Variants in PLCE1 observed in about 807,000 individuals in gnomAD.
The protein encoded by PLCE1 is 1-phosphatidylinositol 4,5-bisphosphate phosphodiesterase epsilon-1.
A neutral mutation model predicts 242.8 loss-of-function variants in PLCE1; 119 were observed. That is an observed-to-expected ratio of 0.49 (90% CI 0.42 to 0.57). The LOEUF (loss-of-function observed/expected upper bound fraction) is 0.57. Among genes scored for constraint, PLCE1 ranks in the 20% least tolerant of loss-of-function variants. The pLI, the probability that PLCE1 is intolerant of heterozygous loss-of-function variation, is 0.00. For synonymous variants in PLCE1, 945 were observed against 1,017.4 expected (o/e 0.93, Z 1.35); for missense variants, 2,441 against 2,788.8 (o/e 0.88, Z 2.81).
At chr10:94,150,554 A>G (rs1240020744) in intron 3 of PLCE1, among the ~76,000 whole-genome samples, 1 of 152,222 alleles carries the variant, frequency 6.6e-6, no homozygotes, top group African/African-American at 2.4e-5. Flanking sequence ...TGAGGAGTTT[A>G]GGGAAATTCA....
At chr10:94,309,322 T>C (rs1004578942) in intron 27 of PLCE1, among the ~76,000 whole-genome samples, 1 of 151,974 alleles carries the variant, frequency 6.6e-6, no homozygotes, top group Non-Finnish European at 1.5e-5. Flanking sequence ...ATCTGCTTTT[T>C]TTTTTTTCCA....
intron 1 of PLCE1, among the ~76,000 whole-genome samples, chr10:93,995,809 G>GCA (rs1490632959): frequency 1.3e-5 from 2 of 152,194 alleles, no homozygotes; most frequent in Non-Finnish European, 2.9e-5. Context: ...CCTGGGATGT[G>GCA]GTCCAAGTTT....
At chr10:94,052,375 G>A (rs187359593) in intron 2 of PLCE1, among the ~76,000 whole-genome samples, 1 of 152,284 alleles carries the variant, frequency 6.6e-6, no homozygotes, top group Admixed American at 6.5e-5. Context: ...CCTTCTTAGA[G>A]TGAGGGACAT....
intron 2 of PLCE1, chr10:94,089,008 C>A: frequency 7.0e-7 from 1 of 1,421,242 alleles, no homozygotes; most frequent in Non-Finnish European, 9.6e-7. Context: ...TTCATTTCAG[C>A]TAATGTAAAC....
chr10:94,221,740 A>AAG (rs1564801638), intron 4 of PLCE1, among the ~76,000 whole-genome samples: 8 of 152,000 alleles, frequency 5.3e-5, no homozygotes, highest in African/African-American at 1.9e-4. Context: ...GTCTAAAAAA[A>AAG]AAGAAGAAGA....
At chr10:94,296,833 C>T (rs1032316927) in intron 23 of PLCE1, among the ~76,000 whole-genome samples, 1 of 151,994 alleles carries the variant, frequency 6.6e-6, no homozygotes, top group Non-Finnish European at 1.5e-5. Context: ...CTTTGACATG[C>T]CTTCCTCACT....
At chr10:94,274,746 T>C (rs1339645003) in intron 19 of PLCE1, among the ~76,000 whole-genome samples, 1 of 152,162 alleles carries the variant, frequency 6.6e-6, no homozygotes, top group Non-Finnish European at 1.5e-5. Flanking sequence ...GGCCACCAGT[T>C]GGAGACCTCC....
Position 94,246,569 on chromosome 10 carries a change from T to C in PLCE1, c.3044T>C (p.Phe1015Ser), listed in dbSNP as rs1395362832. The C allele has an allele frequency of 6.2e-7, 1 of 1,614,178 alleles. No homozygotes were observed. Among genetic ancestry groups the C allele is most frequent in the Admixed American group, 1.7e-5 (1 of 60,030 alleles). Residue 1015 changes from phenylalanine (F) to serine (S), a missense_variant, in exon 8 of 33, where the codon TTC becomes TCC. By Grantham distance (155) the Phe-to-Ser change is radical. Coordinates refer to ENST00000371380, the MANE Select transcript of PLCE1 (RefSeq NM_016341.4). Reference protein sequence around the residue: ...LTRAVRKMRKFPDQRQQWLRK... With the variant: ...LTRAVRKMRKSPDQRQQWLRK... ...AGAGCTGTGAGAAAGATGAGGAAAT[T>C]CCCTGACCAAAGACAGCAGTGGCTG...
At chr10:94,198,747 A>T (rs1281649447) in intron 4 of PLCE1, among the ~76,000 whole-genome samples, 1 of 152,234 alleles carries the variant, frequency 6.6e-6, no homozygotes, top group Non-Finnish European at 1.5e-5. Context: ...ATTTAGAATG[A>T]TGGATTAGAA....
At chr10:94,007,861 T>C (rs112222800) in intron 1 of PLCE1, among the ~76,000 whole-genome samples, 3,051 of 151,836 alleles carry the variant, frequency 0.02, 104 homozygotes, top group African/African-American at 0.066. Context: ...GTTCATACTA[T>C]GTTTTGTTCG....
chr10:94,163,231 G>C (rs192224312), intron 3 of PLCE1, among the ~76,000 whole-genome samples: 1 of 152,226 alleles, frequency 6.6e-6, no homozygotes, highest in Admixed American at 6.5e-5. Context: ...CTGTCTCATC[G>C]ATCTGTCTAA....
rs1446261732 is a variant in PLCE1 at position 94,328,896 on chromosome 10, AT to A, written c.*956del. 1 of 152,190 alleles carries A rather than the reference AT, an allele frequency of 6.6e-6. No individual in the cohort carries two copies. The highest frequency in any genetic ancestry group is 2.4e-5 in the African/African-American group (1 of 41,442). The allele number at this position is 152,190 out of a possible 1,614,324, so 9.4% of individuals were successfully genotyped here. On this transcript the variant is annotated 3_prime_UTR_variant, in exon 33 of 33. Coordinates refer to ENST00000371380, the MANE Select transcript of PLCE1 (RefSeq NM_016341.4). Reference sequence around the variant, plus strand: ...CAAAATGAATTTAGAATGACGTATAATTTAATATCTACTGAATTGCAATGTC... The same window carrying A: ...CAAAATGAATTTAGAATGACGTATAATTAATATCTACTGAATTGCAATGTC...
At chr10:94,126,168 C>T (rs7919464) in intron 2 of PLCE1, among the ~76,000 whole-genome samples, 138,282 of 152,192 alleles carry the variant, frequency 0.91, 63,526 homozygotes, top group South Asian at 0.98. Context: ...AGTCATTTTA[C>T]TGTGTCAAAT....
chr10:94,250,604 G>A (rs2050842276), intron 8 of PLCE1, among the ~76,000 whole-genome samples: 1 of 152,160 alleles, frequency 6.6e-6, no homozygotes, highest in African/African-American at 2.4e-5. Flanking sequence ...TTACTTCCCA[G>A]AAAGCTTCCT....
rs1360534196 is a variant in PLCE1 at position 94,090,518 on chromosome 10, G to A, written c.1207-41656G>A. ...AAAGTTGTGTGGAAAGGGGGCATTT[G>A]GCATCTCTCCTTCCTTATGGAAGGT... On this transcript the variant is annotated intron_variant, in intron 2 of 32. Coordinates refer to ENST00000371380, the MANE Select transcript of PLCE1 (RefSeq NM_016341.4). Among the ~76,000 whole-genome samples, 3 of 152,290 alleles carry A rather than the reference G, an allele frequency of 2.0e-5. No homozygotes were observed. The East Asian group carries it at 5.8e-4, about 29-fold the overall frequency.
At chr10:94,224,798 A>T (rs781231123) in intron 4 of PLCE1, among the ~76,000 whole-genome samples, 2 of 152,240 alleles carry the variant, frequency 1.3e-5, no homozygotes, top group South Asian at 2.1e-4. Flanking sequence ...CCAGGGTTTC[A>T]CAAAGGTGAC....
intron 2 of PLCE1, chr10:94,088,295 A>G (rs1328131751): frequency 6.6e-6 from 1 of 152,262 alleles, no homozygotes; most frequent in East Asian, 1.9e-4. Flanking sequence ...ATTTACTATT[A>G]TGATCAGTAA....
At chr10:94,060,189 T>C (rs531070482) in intron 2 of PLCE1, among the ~76,000 whole-genome samples, 13 of 152,156 alleles carry the variant, frequency 8.5e-5, no homozygotes, top group Middle Eastern at 3.4e-3. Context: ...TTTTTTTGTC[T>C]AAGCTTCTGC....
chr10:94,279,715 G>A, intron 19 of PLCE1, 67 bp from the exon 20 acceptor site: 9 of 1,556,836 alleles, frequency 5.8e-6, no homozygotes, highest in African/African-American at 1.4e-5. Flanking sequence ...ATCAGGGGTA[G>A]TTTTAAAGGT....
Sources: gnomAD v4.1 joint callset for allele counts (sites outside exome capture counted in the v4.1 genomes callset) on GRCh38, gnomAD v4.1.1 for gene constraint, MANE v1.5 for transcripts, NCBI Gene and HGNC (gene_info 2026-07-23, HGNC 2026-07-21) for gene names.